TSHR: variants seen among roughly 807,000 people sequenced by gnomAD.
TSHR encodes the protein thyrotropin receptor.
A neutral mutation model predicts 64.1 loss-of-function variants in TSHR; 51 were observed. The ratio of observed to expected loss-of-function variants is 0.80; its 90% CI spans 0.64 to 1.01. TSHR has a LOEUF of 1.01. TSHR is among the 50% of genes least tolerant of loss of function. The pLI is 0.00. For synonymous variants in TSHR, 361 were observed against 361.9 expected, an observed-to-expected ratio of 1.00 and a Z score of 0.03; for missense variants, 877 against 942.8, an observed-to-expected ratio of 0.93 and a Z score of 0.91.
intron 5 of TSHR, among the ~76,000 whole-genome samples, chr14:81,092,008 A>G (rs1481762902): frequency 1.3e-5 from 2 of 152,238 alleles, no homozygotes; most frequent in African/African-American, 4.8e-5. Flanking sequence ...AAAATTGATC[A>G]TACTTCTTTG....
chr14:81,055,540 G>A (rs1885725888), intron 1 of TSHR, among the ~76,000 whole-genome samples: 1 of 152,168 alleles, frequency 6.6e-6, no homozygotes, highest in Non-Finnish European at 1.5e-5. Context: ...CAGCTGAGAG[G>A]GAGGCTGTAC....
chr14:81,065,278 T>C (rs1033934260), intron 2 of TSHR, among the ~76,000 whole-genome samples: 1 of 152,154 alleles, frequency 6.6e-6, no homozygotes, highest in South Asian at 2.1e-4. Flanking sequence ...AGCCCTTTTT[T>C]ACTTAGCTGT....
In TSHR at chr14:81,080,188, G is replaced by A. The variant is rs186208287; in HGVS notation, c.318-7766G>A. 3.9e-5 allele frequency among the ~76,000 whole-genome samples: 6 copies of A among 152,214 alleles called. No homozygotes were observed. In the East Asian group the frequency reaches 5.8e-4, roughly 15 times the overall value. On this transcript the variant is annotated intron_variant, in intron 3 of 9. Transcript: ENST00000298171. The stretch of plus-strand genomic sequence containing the variant: ...AGGATGGTCTCAATCTCTTGACCTC[G>A]TGATCCTCCTGCCTCAGCCTCCCAA...
At chr14:81,039,571 C>A (rs1884820527) in intron 1 of TSHR, among the ~76,000 whole-genome samples, 1 of 151,700 alleles carries the variant, frequency 6.6e-6, no homozygotes, top group Non-Finnish European at 1.5e-5. Flanking sequence ...ATTAAAAAAA[C>A]CCTAAAGACT....
At chr14:81,107,372 A>G (rs1889964314) in intron 7 of TSHR, among the ~76,000 whole-genome samples, 1 of 152,180 alleles carries the variant, frequency 6.6e-6, no homozygotes, top group South Asian at 2.1e-4. Context: ...GTTTAAGTGG[A>G]CCAGGTTATG....
chr14:81,031,509 A>T (rs1566771783), intron 1 of TSHR, among the ~76,000 whole-genome samples: 1 of 152,210 alleles, frequency 6.6e-6, no homozygotes, highest in Non-Finnish European at 1.5e-5. Context: ...TTCAGGGAAA[A>T]TCTATGTTGT....
intron 1 of TSHR, among the ~76,000 whole-genome samples, chr14:81,014,645 G>A (rs1305892171): frequency 2.0e-5 from 3 of 152,110 alleles, no homozygotes; most frequent in East Asian, 1.9e-4. Context: ...TCATTGAATG[G>A]GAGCAGAATG....
At chr14:81,058,066 C>T (rs2139883907) in intron 1 of TSHR, among the ~76,000 whole-genome samples, 1 of 152,234 alleles carries the variant, frequency 6.6e-6, no homozygotes, top group East Asian at 1.9e-4. Context: ...TTAATTGTAC[C>T]AACTGCTCTT....
At chr14:81,049,583 T>G (rs572257691) in intron 1 of TSHR, 1 of 148,276 alleles carries the variant, frequency 6.7e-6, no homozygotes, top group Non-Finnish European at 1.5e-5. Context: ...AAGAGATACA[T>G]TTAAGTTTTT....
At chr14:81,073,036 A>C (rs1465637500) in intron 3 of TSHR, among the ~76,000 whole-genome samples, 2 of 133,960 alleles carry the variant, frequency 1.5e-5, no homozygotes, top group African/African-American at 2.9e-5. Flanking sequence ...ATATATATAT[A>C]TATATATATA....
intron 1 of TSHR, chr14:81,032,606 G>A (rs575989337): frequency 1.1e-5 from 5 of 448,864 alleles, no homozygotes; most frequent in Admixed American, 1.0e-4. Context: ...TGCACCTCAG[G>A]TTGTTTGAAC....
At chr14:81,110,875 C>T (rs867556346) in intron 8 of TSHR, among the ~76,000 whole-genome samples, 59 of 152,170 alleles carry the variant, frequency 3.9e-4, no homozygotes, top group Middle Eastern at 3.4e-3. Context: ...TTTGAACAGC[C>T]ATAGCCAAAA....
chr14:81,045,214 T>C (rs148125971), intron 1 of TSHR, among the ~76,000 whole-genome samples: 45 of 152,250 alleles, frequency 3.0e-4, no homozygotes, highest in Non-Finnish European at 2.6e-4. Context: ...AGAGCTGGGC[T>C]TATGTCCATG....
intron 1 of TSHR, among the ~76,000 whole-genome samples, chr14:81,041,394 T>A (rs1884916195): frequency 6.6e-6 from 1 of 152,094 alleles, no homozygotes; most frequent in African/African-American, 2.4e-5. Context: ...TAGGGGCAAT[T>A]ATCCTTAGCA....
At chr14:80,991,591 A>G (rs1358400796) in intron 1 of TSHR, 1 of 398,440 alleles carries the variant, frequency 2.5e-6, no homozygotes, top group Non-Finnish European at 4.4e-6. Context: ...ATAAAATTCA[A>G]CATTGAAGGA....
intron 3 of TSHR, among the ~76,000 whole-genome samples, chr14:81,073,275 T>C (rs1358247141): frequency 6.6e-6 from 1 of 151,670 alleles, no homozygotes; most frequent in African/African-American, 2.4e-5. Context: ...GAGCTTATTT[T>C]AATATAGTTT....
chr14:81,098,145 C>T (rs1198520665), intron 7 of TSHR, among the ~76,000 whole-genome samples: 1 of 152,192 alleles, frequency 6.6e-6, no homozygotes, highest in African/African-American at 2.4e-5. Flanking sequence ...CCATGTGCTC[C>T]CTGCCCACAC....
intron 1 of TSHR, chr14:81,051,730 A>T (rs2888048): frequency 0.83 from 125,618 of 152,176 alleles, 52,365 homozygotes; most frequent in African/African-American, 0.92. Flanking sequence ...TGACAGCCAT[A>T]CTTACAGGTG....
intron 6 of TSHR, 133 bp from the exon 7 acceptor site, chr14:81,096,506 G>C: frequency 1.2e-6 from 1 of 815,384 alleles, no homozygotes; most frequent in South Asian, 1.5e-5. Context: ...GTTTTCTTGT[G>C]GGATACATAT....
Sources: gnomAD v4.1 joint callset for allele counts (sites outside exome capture counted in the v4.1 genomes callset) on GRCh38, gnomAD v4.1.1 for gene constraint, MANE v1.5 for transcripts, NCBI Gene and HGNC (gene_info 2026-07-23, HGNC 2026-07-21) for gene names.